Variants in NOVA1 observed in about 807,000 individuals in gnomAD.
NOVA1 encodes the protein NOVA alternative splicing regulator 1, also known as RNA-binding protein Nova-1.
NOVA1 carries 7 observed loss-of-function variants against 38.0 expected under a neutral mutation model. The ratio of observed to expected loss-of-function variants is 0.18; its 90% confidence interval spans 0.10 to 0.35. The LOEUF (loss-of-function observed/expected upper bound fraction) is 0.35. Among genes scored for constraint, NOVA1 ranks in the 10% least tolerant of loss-of-function variants. NOVA1 has a pLI of 1.00. For synonymous variants in NOVA1, 270 were observed against 232.5 expected, an observed-to-expected ratio of 1.16 and a Z score of -1.47; for missense variants, 460 against 616.0, an observed-to-expected ratio of 0.75 and a Z score of 2.68.
chr14:26,490,939 T>A (rs1240313872), intron 2 of NOVA1, among the ~76,000 whole-genome samples: 2 of 136,640 alleles, frequency 1.5e-5, no homozygotes, highest in African/African-American at 5.5e-5. Context: ...AAGCTCCACC[T>A]CCTGGGTTCC....
chr14:26,541,110 T>C (rs1594498708), intron 2 of NOVA1, among the ~76,000 whole-genome samples: 2 of 151,912 alleles, frequency 1.3e-5, no homozygotes, highest in East Asian at 1.9e-4. Context: ...CAAAGAATGA[T>C]TGGGGTTGGA....
At chr14:26,496,707 C>T (rs1430656094) in intron 2 of NOVA1, among the ~76,000 whole-genome samples, 3 of 152,206 alleles carry the variant, frequency 2.0e-5, no homozygotes, top group African/African-American at 7.2e-5. Flanking sequence ...CAGCTTTCTA[C>T]ATATGGCTAG....
intron 2 of NOVA1, among the ~76,000 whole-genome samples, chr14:26,544,474 TAA>T (rs772814341): frequency 1.2e-4 from 17 of 140,234 alleles, no homozygotes; most frequent in African/African-American, 1.0e-4. Flanking sequence ...AACATAAGGT[TAA>T]AAAAAAAAAA....
At chr14:26,527,267 T>C (rs995677590) in intron 2 of NOVA1, among the ~76,000 whole-genome samples, 1 of 152,162 alleles carries the variant, frequency 6.6e-6, no homozygotes, top group East Asian at 1.9e-4. Flanking sequence ...GATGACCTCG[T>C]TCCAGTTTCT....
intron 2 of NOVA1, among the ~76,000 whole-genome samples, chr14:26,592,111 T>G (rs950596877): frequency 6.6e-6 from 1 of 151,526 alleles, no homozygotes; most frequent in East Asian, 1.9e-4. Flanking sequence ...ATTGCATACA[T>G]CCGTTATCAT....
chr14:26,533,269 C>T (rs961531422), intron 2 of NOVA1, among the ~76,000 whole-genome samples: 2 of 152,130 alleles, frequency 1.3e-5, no homozygotes, highest in Admixed American at 6.5e-5. Context: ...TCCTTCATTT[C>T]TATCTCTATT....
intron 2 of NOVA1, among the ~76,000 whole-genome samples, chr14:26,486,696 CAAAAA>C (rs59078775): frequency 1.3e-4 from 3 of 23,106 alleles, no homozygotes; most frequent in East Asian, 1.9e-3. Context: ...GTGACAGACT[CAAAAA>C]AAAAAAAAAA....
rs1170734079 is a variant in NOVA1, at chr14:26,447,140, A to G, written c.*819T>C. 6.5e-6 allele frequency: 1 copy of G among 152,674 alleles called. No homozygotes were observed. The highest frequency in any genetic ancestry group is 1.5e-5 in the Non-Finnish European group (1 of 68,042). The allele number at this position is 152,674 out of a possible 1,614,324, so 9.5% of individuals were successfully genotyped here. A position where few individuals can be genotyped will look rare whatever the true frequency, so the allele number is the denominator to read the frequency against. ...TATAAAATTTCCAATACACTGTACC[A>G]CAGTTATGTGTCTAAACAGTGAGGA... is the stretch of plus-strand genomic sequence containing the variant. On this transcript the variant is annotated 3_prime_UTR_variant, in exon 5 of 5. Coordinates refer to ENST00000539517, the MANE Select transcript of NOVA1 (RefSeq NM_002515.3).
chr14:26,525,916 C>A (rs1399743621), intron 2 of NOVA1, among the ~76,000 whole-genome samples: 1 of 152,020 alleles, frequency 6.6e-6, no homozygotes, highest in East Asian at 1.9e-4. Context: ...AATACACATT[C>A]TTTTACTTGA....
chr14:26,590,777 A>T (rs1317120768), intron 2 of NOVA1, among the ~76,000 whole-genome samples: 1 of 151,830 alleles, frequency 6.6e-6, no homozygotes, highest in Non-Finnish European at 1.5e-5. Context: ...TTGCAAGGCA[A>T]TGTTGTAGAT....
chr14:26,596,466 C>G, intron 1 of NOVA1: 3 of 1,080,814 alleles, frequency 2.8e-6, no homozygotes, highest in Non-Finnish European at 3.7e-6. Context: ...CAGGAGACAC[C>G]CCGGTAAATC....
rs1889347747 is a variant in NOVA1, at chr14:26,526,984, C to A, written c.281-46841G>T. ...CTTGGACATCCTGGAGACTTCAGAACTTTGGGCATCCTGAGGATGCCTGGG... is the reference window on the plus strand; with the variant it reads ...CTTGGACATCCTGGAGACTTCAGAAATTTGGGCATCCTGAGGATGCCTGGG... On this transcript the variant is annotated intron_variant, in intron 2 of 4. Transcript: ENST00000539517. Among the ~76,000 whole-genome samples the A allele has an allele frequency of 2.1e-5, 3 of 140,332 alleles. 1 individual carries two copies. In the Middle Eastern group the frequency reaches 0.011, roughly 520 times the overall value. The allele number at this position is 140,332 out of a possible 152,430, so 92.1% of individuals were successfully genotyped here. A position where few individuals can be genotyped will look rare whatever the true frequency, so the allele number is the denominator to read the frequency against.
At chr14:26,527,455 G>A (rs1363300343) in intron 2 of NOVA1, among the ~76,000 whole-genome samples, 1 of 151,698 alleles carries the variant, frequency 6.6e-6, no homozygotes, top group African/African-American at 2.4e-5. Context: ...ATTGCCCAGA[G>A]CATGGTAACC....
chr14:26,539,147 G>C (rs1244750549), intron 2 of NOVA1, among the ~76,000 whole-genome samples: 1 of 151,934 alleles, frequency 6.6e-6, no homozygotes, highest in African/African-American at 2.4e-5. Context: ...TCTTTTACAA[G>C]AATACAAACT....
intron 2 of NOVA1, among the ~76,000 whole-genome samples, chr14:26,490,803 A>G (rs940133617): frequency 9.3e-5 from 14 of 150,608 alleles, no homozygotes; most frequent in Admixed American, 8.6e-4. Context: ...CTCAGCCCCA[A>G]GTAGGTGAAC....
At chr14:26,572,943 A>G (rs1892583148) in intron 2 of NOVA1, among the ~76,000 whole-genome samples, 1 of 152,190 alleles carries the variant, frequency 6.6e-6, no homozygotes, top group African/African-American at 2.4e-5. Flanking sequence ...TAAATATAAT[A>G]AAGTGTACAT....
At chr14:26,528,158 A>G (rs1889434189) in intron 2 of NOVA1, among the ~76,000 whole-genome samples, 1 of 152,156 alleles carries the variant, frequency 6.6e-6, no homozygotes, top group Non-Finnish European at 1.5e-5. Flanking sequence ...CCACTTCCTC[A>G]CATACTGTAT....
intron 2 of NOVA1, among the ~76,000 whole-genome samples, chr14:26,527,512 TAA>T (rs764586575): frequency 7.6e-6 from 1 of 131,946 alleles, no homozygotes. Context: ...AACAAACAAA[TAA>T]AAAAAAAAAA....
chr14:26,518,783 G>A (rs1888660607), intron 2 of NOVA1, among the ~76,000 whole-genome samples: 1 of 151,892 alleles, frequency 6.6e-6, no homozygotes, highest in Non-Finnish European at 1.5e-5. Flanking sequence ...AGATTCAGGG[G>A]GTACATATGC....
Sources: gnomAD v4.1 joint callset for allele counts (sites outside exome capture counted in the v4.1 genomes callset) on GRCh38, gnomAD v4.1.1 for gene constraint, MANE v1.5 for transcripts, NCBI Gene and HGNC (gene_info 2026-07-23, HGNC 2026-07-21) for gene names.